Variants in ACTL8 observed in about 807,000 individuals in gnomAD.
The protein encoded by ACTL8 is actin like 8.
ACTL8 carries 3 observed loss-of-function variants against 9.3 expected under a neutral mutation model. That is an observed-to-expected ratio of 0.32 (90% CI 0.15 to 0.83). The LOEUF (loss-of-function observed/expected upper bound fraction) is 0.83, where lower values mean the gene tolerates loss of function less well. Ranked by LOEUF, ACTL8 falls within the 40% of genes least tolerant of loss-of-function variation. The probability of loss-of-function intolerance (pLI) is 0.57; values close to 1 mark genes in which losing one functional copy is unlikely to be tolerated. For missense variants in ACTL8, 381 were observed against 492.2 expected (o/e 0.77, Z 2.14); for synonymous variants, 224 against 205.9 (o/e 1.09, Z -0.75).
intron 1 of ACTL8, among the ~76,000 whole-genome samples, chr1:17,784,428 A>G (rs140486477): frequency 6.6e-5 from 10 of 152,248 alleles, no homozygotes; most frequent in South Asian, 2.1e-4. Flanking sequence ...TTGAACTTCT[A>G]CCTTCCATGC....
intron 2 of ACTL8, 38 bp from the exon 3 acceptor site, chr1:17,825,729 G>A (rs781411570): frequency 6.3e-7 from 1 of 1,587,524 alleles, no homozygotes; most frequent in South Asian, 1.1e-5. Flanking sequence ...TGAGCAGGCT[G>A]GGGGGAAATG....
chr1:17,771,797 C>T lies in ACTL8; in HGVS notation c.-25+16293C>T, dbSNP rs143999721. 5.3e-3 allele frequency among the ~76,000 whole-genome samples: 805 copies of T among 152,236 alleles called. 4 individuals carry two copies. Among genetic ancestry groups the T allele is most frequent in the Non-Finnish European group, 8.3e-3 (565 of 68,020 alleles). Reference sequence around the variant, plus strand: ...CATGCTGCAGTGGAGGGGGCGTGCTCACCGGCTGGACAAATGGACACTGAG... The same window carrying T: ...CATGCTGCAGTGGAGGGGGCGTGCTTACCGGCTGGACAAATGGACACTGAG... On this transcript the variant is annotated intron_variant, in intron 1 of 2. Transcript: ENST00000375406.
chr1:17,809,705 C>G (rs1570037780), intron 1 of ACTL8, among the ~76,000 whole-genome samples: 3 of 151,798 alleles, frequency 2.0e-5, no homozygotes, highest in African/African-American at 4.8e-5. Context: ...GCCCGATGAT[C>G]TGTCGGTGTC....
chr1:17,775,390 G>T (rs904923418), intron 1 of ACTL8, among the ~76,000 whole-genome samples: 4 of 152,196 alleles, frequency 2.6e-5, no homozygotes, highest in African/African-American at 9.7e-5. Flanking sequence ...TGGCTCTTAG[G>T]ATGGGAATGG....
At chr1:17,812,539 C>T (rs1570040353) in intron 1 of ACTL8, among the ~76,000 whole-genome samples, 2 of 151,176 alleles carry the variant, frequency 1.3e-5, no homozygotes, top group East Asian at 2.0e-4. Context: ...AAGCAATTCT[C>T]CTGCCTCAGC....
Position 17,823,273 on chromosome 1 carries a change from C to T in ACTL8, c.265C>T (p.His89Tyr), listed in dbSNP as rs1383199879. The change falls in exon 2 of 3, where the codon CAC (histidine) becomes TAC (tyrosine). Residue 89 changes from histidine (H) to tyrosine (Y), a missense_variant. By Grantham distance (83) the His-to-Tyr change is moderately conservative. Around this residue, in one of 3 missense-constraint regions of ACTL8, gnomAD observed 125 missense variants for 180.7 expected, o/e 0.69. Coordinates refer to ENST00000375406, the MANE Select transcript of ACTL8 (RefSeq NM_030812.3). This position sits in a 1 kb window ranked among gnomAD's most constrained non-coding sequence, Gnocchi z 5.3. ...CCTCTGGTCATTTGTGTTGGAGAACCACAGACGGGAGCAAGAGGTCCCCCC... is the reference window on the plus strand; with the variant it reads ...CCTCTGGTCATTTGTGTTGGAGAACTACAGACGGGAGCAAGAGGTCCCCCC... ...QYLWSFVLEN[H>Y]RREQEVPPVI... is the part of the protein sequence containing the mutation. 3.7e-6 allele frequency: 6 copies of T among 1,614,000 alleles called. No homozygotes were observed. The highest frequency in any genetic ancestry group is 5.1e-6 in the Non-Finnish European group (6 of 1,180,040).
At chr1:17,763,700 G>A (rs894853816) in intron 1 of ACTL8, among the ~76,000 whole-genome samples, 14 of 152,190 alleles carry the variant, frequency 9.2e-5, no homozygotes, top group Admixed American at 7.2e-4. Context: ...AGTTTTAGTG[G>A]CACCTAGGGC....
chr1:17,796,170 C>G (rs940603512), intron 1 of ACTL8, among the ~76,000 whole-genome samples: 1 of 152,138 alleles, frequency 6.6e-6, no homozygotes, highest in Non-Finnish European at 1.5e-5. Context: ...GGCTACTGAG[C>G]ATGCTCAGAC....
At chr1:17,787,292 T>G (rs370481235) in intron 1 of ACTL8, among the ~76,000 whole-genome samples, 1 of 152,046 alleles carries the variant, frequency 6.6e-6, no homozygotes. Flanking sequence ...TTTGAGACAG[T>G]CTCATTCTGT....
chr1:17,758,978 T>A (rs753632682), intron 1 of ACTL8, among the ~76,000 whole-genome samples: 14 of 152,190 alleles, frequency 9.2e-5, no homozygotes, highest in Non-Finnish European at 1.6e-4. Flanking sequence ...ATAAATATAG[T>A]CCATGACGAC....
chr1:17,775,525 C>A (rs548896875), intron 1 of ACTL8, among the ~76,000 whole-genome samples: 5 of 152,322 alleles, frequency 3.3e-5, no homozygotes, highest in African/African-American at 1.2e-4. Flanking sequence ...GAAGCTCAGG[C>A]AGACCCAGAG....
intron 1 of ACTL8, among the ~76,000 whole-genome samples, chr1:17,762,829 G>T (rs2066016488): frequency 6.6e-6 from 1 of 152,140 alleles, no homozygotes; most frequent in South Asian, 2.1e-4. Flanking sequence ...CAGTGGAGGG[G>T]CTCCCACCTC....
chr1:17,787,897 T>A (rs747121609), intron 1 of ACTL8, among the ~76,000 whole-genome samples: 2 of 152,246 alleles, frequency 1.3e-5, no homozygotes, highest in African/African-American at 2.4e-5. Flanking sequence ...TTTTCCTGTA[T>A]CTTGCCAGCA....
At chr1:17,765,403 A>T (rs59380914) in intron 1 of ACTL8, among the ~76,000 whole-genome samples, 7 of 152,092 alleles carry the variant, frequency 4.6e-5, no homozygotes, top group African/African-American at 1.7e-4. Context: ...CTTGAGCTCT[A>T]CCTACAGACA....
rs1416989326 is a variant in ACTL8, at chr1:17,767,543, G to A, written c.-25+12039G>A. ...GTTGAGTTTGGCCTTGTCTAAGCCC[G>A]TGGCTGGGTGCATGGCTCCCGGGCA... On this transcript the variant is annotated intron_variant, in intron 1 of 2. Transcript: ENST00000375406. The surrounding 1 kb of genome is among the most constrained non-coding windows in gnomAD (Gnocchi z 4.7). Among the ~76,000 whole-genome samples, 5 of 152,154 alleles carry A rather than the reference G, an allele frequency of 3.3e-5. No individual in the cohort carries two copies. The highest frequency in any genetic ancestry group is 1.3e-4 in the Admixed American group (2 of 15,272).
rs1181547376 is a variant in ACTL8, at chr1:17,806,755, C to T, written c.-24-16230C>T. ...TTGCCTTTAGATTCTTCTGCAGAGC[C>T]CTGCGACCTGCTGCGCTTTGAGCAG... On this transcript the variant is annotated intron_variant, in intron 1 of 2. Transcript: ENST00000375406. Among the ~76,000 whole-genome samples the T allele has an allele frequency of 7.9e-5, 12 of 152,338 alleles. No individual in the cohort carries two copies. In the South Asian group the frequency reaches 2.3e-3, roughly 29 times the overall value.
intron 1 of ACTL8, among the ~76,000 whole-genome samples, chr1:17,785,861 A>G (rs2066193571): frequency 6.6e-6 from 1 of 152,134 alleles, no homozygotes; most frequent in East Asian, 1.9e-4. Flanking sequence ...AGCCCAGGCA[A>G]AGCTTAGCTG....
At chr1:17,786,937 A>G (rs1372730859) in intron 1 of ACTL8, among the ~76,000 whole-genome samples, 3 of 152,152 alleles carry the variant, frequency 2.0e-5, no homozygotes, top group African/African-American at 7.2e-5. Flanking sequence ...CCTGGCCTCA[A>G]GCAATCCTCC....
At chr1:17,789,244 T>TC (rs1465524929) in intron 1 of ACTL8, among the ~76,000 whole-genome samples, 1 of 151,940 alleles carries the variant, frequency 6.6e-6, no homozygotes, top group African/African-American at 2.4e-5. Context: ...AGCGAGGGGA[T>TC]CCCCTGACAT....
Sources: allele counts gnomAD v4.1 joint callset (sites outside exome capture counted in the v4.1 genomes callset), GRCh38; gene constraint gnomAD v4.1.1; regional missense constraint gnomAD v4.1.1; non-coding constraint Gnocchi (gnomAD v3.1); transcripts MANE v1.5; gene names NCBI Gene and HGNC (gene_info 2026-07-23, HGNC 2026-07-21).